Variants in UBE3C observed in about 807,000 individuals in gnomAD.
The protein encoded by UBE3C is ubiquitin-protein ligase E3C.
In UBE3C, 42 loss-of-function variants were observed where a neutral mutation model predicts 129.4. The ratio of observed to expected loss-of-function variants is 0.32; its 90% CI spans 0.25 to 0.42. The LOEUF is 0.42. Among genes scored for constraint, UBE3C ranks in the 10% least tolerant of loss-of-function variants. The pLI, the probability that UBE3C is intolerant of heterozygous loss-of-function variation, is 1.00. For missense variants in UBE3C, 1,049 were observed against 1,319.1 expected, an observed-to-expected ratio of 0.80 and a Z score of 3.17; for synonymous variants, 510 against 492.4, an observed-to-expected ratio of 1.04 and a Z score of -0.47.
chr7:157,269,194 CTA>C lies in UBE3C; in HGVS notation c.*1443_*1444del, dbSNP rs1797159974. The C allele has an allele frequency of 6.6e-6, 1 of 152,388 alleles. No homozygotes were observed. Among genetic ancestry groups the C allele is most frequent in the Non-Finnish European group, 1.5e-5 (1 of 67,994 alleles). The allele number at this position is 152,388 out of a possible 1,614,324, so 9.4% of individuals were successfully genotyped here. The stretch of plus-strand genomic sequence containing the variant: ...TTTAGGTTGTTTTATGTTGAATGTT[CTA>C]TATCTTATTAGTTAATTTGTATATT... On this transcript the variant is annotated 3_prime_UTR_variant, in exon 23 of 23. Coordinates refer to ENST00000348165, the MANE Select transcript of UBE3C (RefSeq NM_014671.3).
At chr7:157,141,097 G>T (rs964493585) in intron 1 of UBE3C, among the ~76,000 whole-genome samples, 1 of 152,196 alleles carries the variant, frequency 6.6e-6, no homozygotes, top group African/African-American at 2.4e-5. Flanking sequence ...CGGGATGAGG[G>T]TGGGAGTGTG....
chr7:157,240,607 A>G (rs1796288203), intron 18 of UBE3C, among the ~76,000 whole-genome samples: 2 of 152,142 alleles, frequency 1.3e-5, no homozygotes, highest in Admixed American at 6.5e-5. Flanking sequence ...GACTATAATA[A>G]AGGGTGAATT....
intron 1 of UBE3C, among the ~76,000 whole-genome samples, chr7:157,154,308 G>T (rs1807843610): frequency 6.6e-6 from 1 of 151,736 alleles, no homozygotes; most frequent in African/African-American, 2.4e-5. Flanking sequence ...GACAGTTCGA[G>T]ATTCTGTCTA....
chr7:157,217,121 G>A (rs981088441), intron 14 of UBE3C, 150 bp downstream of exon 14: 14 of 574,678 alleles, frequency 2.4e-5, no homozygotes, highest in African/African-American at 1.3e-4. Context: ...TAACTCTTAC[G>A]CCAACTTCTT....
intron 1 of UBE3C, among the ~76,000 whole-genome samples, chr7:157,156,441 G>A (rs1807908377): frequency 6.6e-6 from 1 of 150,960 alleles, no homozygotes; most frequent in African/African-American, 2.4e-5. Context: ...CAAGTAGCTG[G>A]GACTACAGGC....
chr7:157,190,968 A>C (rs1031258336), intron 10 of UBE3C, among the ~76,000 whole-genome samples: 13 of 152,202 alleles, frequency 8.5e-5, no homozygotes, highest in African/African-American at 3.1e-4. Context: ...GCATGTTCTC[A>C]GGGGCTTGGC....
At chr7:157,245,829 A>G (rs1454485498) in intron 18 of UBE3C, among the ~76,000 whole-genome samples, 2 of 152,002 alleles carry the variant, frequency 1.3e-5, no homozygotes, top group East Asian at 1.9e-4. Flanking sequence ...CATCTCTACT[A>G]AAAATACAAA....
At position 157,217,000 on chromosome 7, in the gene UBE3C, A is replaced by C. The variant is rs752743020; in HGVS notation, c.1914+29A>C. The stretch of plus-strand genomic sequence containing the variant: ...TTATTGAAAGATCTTTTTAATATTT[A>C]TCATTAAAAAATACATTCAGCTTGT... On this transcript the variant is annotated intron_variant, in intron 14 of 22. Coordinates refer to ENST00000348165, the MANE Select transcript of UBE3C (RefSeq NM_014671.3). 12 of 1,540,178 alleles carry C rather than the reference A, an allele frequency of 7.8e-6. 1 individual carries two copies. The South Asian group carries it at 1.1e-4, about 15-fold the overall frequency.
intron 22 of UBE3C, among the ~76,000 whole-genome samples, chr7:157,264,462 T>TACAC (rs58070039): frequency 7.6e-5 from 7 of 91,730 alleles, no homozygotes; most frequent in Non-Finnish European, 1.1e-4. Context: ...CTCGGCCTGT[T>TACAC]ACACACACAC....
intron 18 of UBE3C, chr7:157,231,695 T>A (rs947704563): frequency 7.4e-5 from 19 of 255,784 alleles, no homozygotes; most frequent in South Asian, 1.4e-4. Flanking sequence ...CTGTGCCGCC[T>A]CCGGACTCTG....
chr7:157,182,794 G>GCTC (rs775183604), intron 8 of UBE3C, among the ~76,000 whole-genome samples: 8 of 152,140 alleles, frequency 5.3e-5, no homozygotes, highest in Non-Finnish European at 1.2e-4. Context: ...CTGTCACTAG[G>GCTC]CTGGAGTGCA....
chr7:157,205,226 C>T (rs575780021), intron 11 of UBE3C, among the ~76,000 whole-genome samples: 14 of 152,214 alleles, frequency 9.2e-5, no homozygotes, highest in Non-Finnish European at 1.8e-4. Flanking sequence ...GGCACATATC[C>T]TTGCCAATCC....
rs533668328 is a variant in UBE3C, at chr7:157,252,558, A to G, written c.2695-1396A>G. 1.8e-4 allele frequency among the ~76,000 whole-genome samples: 27 copies of G among 152,372 alleles called. 1 individual carries two copies. In the South Asian group the frequency reaches 5.6e-3, roughly 32 times the overall value. On this transcript the variant is annotated intron_variant, in intron 19 of 22. Transcript: ENST00000348165. ...CTGGTAAGTTGAACGTTCAAGTTCAATTTGAACATTCTGTATAAAATGAGA... is the reference window on the plus strand; with the variant it reads ...CTGGTAAGTTGAACGTTCAAGTTCAGTTTGAACATTCTGTATAAAATGAGA...
At chr7:157,143,938 G>A (rs143005759) in intron 1 of UBE3C, among the ~76,000 whole-genome samples, 4 of 152,306 alleles carry the variant, frequency 2.6e-5, no homozygotes, top group African/African-American at 4.8e-5. Flanking sequence ...TCACACCTCC[G>A]GGAGTGGAGG....
intron 13 of UBE3C, among the ~76,000 whole-genome samples, chr7:157,216,236 A>G (rs190498947): frequency 1.1e-3 from 167 of 152,220 alleles, no homozygotes; most frequent in South Asian, 1.4e-3. Context: ...CCGTTAGTAC[A>G]TTATTTCTCA....
intron 10 of UBE3C, among the ~76,000 whole-genome samples, chr7:157,189,533 G>A (rs943125495): frequency 1.8e-4 from 28 of 152,172 alleles, no homozygotes; most frequent in African/African-American, 6.5e-4. Flanking sequence ...TTTTTAGTGG[G>A]TACTGTTTCA....
intron 18 of UBE3C, among the ~76,000 whole-genome samples, chr7:157,232,197 C>G (rs1796039690): frequency 6.6e-6 from 1 of 152,146 alleles, no homozygotes; most frequent in South Asian, 2.1e-4. Context: ...TTCCCTGATC[C>G]AGTGTAACTT....
chr7:157,149,537 T>A (rs1234352601), intron 1 of UBE3C, among the ~76,000 whole-genome samples: 1 of 152,162 alleles, frequency 6.6e-6, no homozygotes, highest in African/African-American at 2.4e-5. Context: ...AGGCGGACCC[T>A]GCACTGGCAC....
chr7:157,215,238 T>G (rs1259133345), intron 13 of UBE3C, among the ~76,000 whole-genome samples: 1 of 152,150 alleles, frequency 6.6e-6, no homozygotes, highest in African/African-American at 2.4e-5. Context: ...TCAAGGGGTG[T>G]CCACATTGTA....
Sources: gnomAD v4.1 joint callset for allele counts (sites outside exome capture counted in the v4.1 genomes callset) on GRCh38, gnomAD v4.1.1 for gene constraint, MANE v1.5 for transcripts, NCBI Gene and HGNC (gene_info 2026-07-23, HGNC 2026-07-21) for gene names.